Variants in RAB11FIP5 observed in about 807,000 individuals in gnomAD.
RAB11FIP5 encodes rab11 family-interacting protein 5.
RAB11FIP5 carries 48 observed loss-of-function variants against 85.1 expected under a neutral mutation model. That is an observed-to-expected ratio of 0.56 (90% confidence interval 0.45 to 0.72). RAB11FIP5 has a LOEUF of 0.72. Ranked by LOEUF, RAB11FIP5 falls within the 30% of genes least tolerant of loss-of-function variation. The pLI is 0.00. For missense variants in RAB11FIP5, 1,491 were observed against 1,687.0 expected, an observed-to-expected ratio of 0.88 and a Z score of 2.04; for synonymous variants, 729 against 727.3, an observed-to-expected ratio of 1.00 and a Z score of -0.04.
chr2:73,096,245 C>T (rs1463163696), intron 1 of RAB11FIP5, among the ~76,000 whole-genome samples: 1 of 152,192 alleles, frequency 6.6e-6, no homozygotes, highest in Non-Finnish European at 1.5e-5. Flanking sequence ...GTGGGGTCCC[C>T]AGGCCCTCAT....
At chr2:73,094,855 C>A (rs1475236699) in intron 1 of RAB11FIP5, among the ~76,000 whole-genome samples, 1 of 152,032 alleles carries the variant, frequency 6.6e-6, no homozygotes, top group South Asian at 2.1e-4. Flanking sequence ...ACCAAAGGAA[C>A]ACACTGGGGA....
chr2:73,110,586 G>C (rs1366572037), intron 1 of RAB11FIP5, among the ~76,000 whole-genome samples: 1 of 152,114 alleles, frequency 6.6e-6, no homozygotes, highest in African/African-American at 2.4e-5. Context: ...ATAAATTAAG[G>C]TTCCCATTCA....
chr2:73,086,849 C>T lies in RAB11FIP5; in HGVS notation c.1568+1201G>A, dbSNP rs1459850789. Reference sequence around the variant, plus strand: ...CAAGGGAGGCAAGGGGTGGCATGCCCCTGAAACTGATCCACCCCCCCATAC... The same window carrying T: ...CAAGGGAGGCAAGGGGTGGCATGCCTCTGAAACTGATCCACCCCCCCATAC... On this transcript the variant is annotated intron_variant, in intron 3 of 5. Coordinates refer to ENST00000486777, the MANE Select transcript of RAB11FIP5 (RefSeq NM_001371272.1). The surrounding 1 kb of genome is among the most constrained non-coding windows in gnomAD (Gnocchi z 4.4). Among the ~76,000 whole-genome samples, 4 of 152,080 alleles carry T rather than the reference C, an allele frequency of 2.6e-5. No individual in the cohort carries two copies. Among genetic ancestry groups the T allele is most frequent in the East Asian group, 3.9e-4 (2 of 5,182 alleles).
intron 2 of RAB11FIP5, 56 bp downstream of exon 2, chr2:73,088,823 C>A: frequency 6.5e-7 from 1 of 1,537,602 alleles, no homozygotes; most frequent in Admixed American, 2.0e-5. Context: ...TTCATCACCA[C>A]CCAAGGGGAG....
chr2:73,095,774 A>G (rs1250477739), intron 1 of RAB11FIP5, among the ~76,000 whole-genome samples: 3 of 152,224 alleles, frequency 2.0e-5, no homozygotes, highest in Admixed American at 6.5e-5. Context: ...AGCAGAATGC[A>G]TATACTCCTG....
At position 73,089,374 on chromosome 2, in the gene RAB11FIP5, C is replaced by T; in HGVS notation, c.432-59G>A. ...ACGGGCCCAGGGAGCCTGGCTCCCG[C>T]CCGGTACCAGGCACTGCCCAGACCC... On this transcript the variant is annotated intron_variant, in intron 1 of 5. Transcript: ENST00000486777. The surrounding 1 kb of genome is among the most constrained non-coding windows in gnomAD (Gnocchi z 4.6). The T allele has an allele frequency of 1.3e-6, 2 of 1,556,384 alleles. No individual in the cohort carries two copies. The highest frequency in any genetic ancestry group is 1.8e-6 in the Non-Finnish European group (2 of 1,136,736).
At chr2:73,108,028 T>A (rs1684565473) in intron 1 of RAB11FIP5, among the ~76,000 whole-genome samples, 1 of 152,136 alleles carries the variant, frequency 6.6e-6, no homozygotes. Flanking sequence ...TCCCCTCAGG[T>A]GCCTCCCAGT....
rs1683957585 is a variant in RAB11FIP5, at chr2:73,080,682, G to C, written c.2550C>G (p.Val850=). The change falls in exon 4 of 6, where the codon GTC becomes GTG. Residue 850 remains valine (V), a synonymous_variant. Coordinates refer to ENST00000486777, the MANE Select transcript of RAB11FIP5 (RefSeq NM_001371272.1). The part of the protein sequence containing the change: ...ISPAAETASL[V]FRGESDEPAP... ...CAGGCTCATCAGACTCTCCCCGAAA[G>C]ACTAGTGAGGCTGTCTCAGCTGCAG... 4.1e-6 allele frequency: 5 copies of C among 1,232,404 alleles called. No individual in the cohort carries two copies. The highest frequency in any genetic ancestry group is 5.1e-6 in the Non-Finnish European group (5 of 988,102). 76.3% of individuals were successfully genotyped at this position (1,232,404 alleles called of 1,614,324 possible).
chr2:73,107,235 G>A (rs1684546089), intron 1 of RAB11FIP5, among the ~76,000 whole-genome samples: 1 of 152,260 alleles, frequency 6.6e-6, no homozygotes, highest in South Asian at 2.1e-4. Context: ...AAAGAGGACT[G>A]CTTCCCCTGG....
intron 1 of RAB11FIP5, 61 bp downstream of exon 1, chr2:73,112,286 C>G: frequency 7.0e-7 from 1 of 1,422,640 alleles, no homozygotes; most frequent in Non-Finnish European, 9.2e-7. Flanking sequence ...GTCCTGATCC[C>G]CCACCAGCCC....
intron 1 of RAB11FIP5, among the ~76,000 whole-genome samples, chr2:73,097,177 A>T (rs1207316075): frequency 6.6e-6 from 1 of 152,200 alleles, no homozygotes; most frequent in Non-Finnish European, 1.5e-5. Flanking sequence ...AGCTGGGATT[A>T]CAGGCATGTG....
intron 1 of RAB11FIP5, among the ~76,000 whole-genome samples, chr2:73,101,281 G>C (rs1684425160): frequency 6.6e-6 from 1 of 152,020 alleles, no homozygotes; most frequent in African/African-American, 2.4e-5. Context: ...TCCTCACCAG[G>C]TGATAGCATG....
rs1683970810 is a variant in RAB11FIP5 at position 73,081,165 on chromosome 2, C to T, written c.2067G>A (p.Met689Ile). 4.1e-6 allele frequency: 5 copies of T among 1,232,688 alleles called. No homozygotes were observed. The South Asian group carries it at 2.1e-4, about 51-fold the overall frequency. 76.4% of individuals were successfully genotyped at this position (1,232,688 alleles called of 1,614,324 possible). A position where few individuals can be genotyped will look rare whatever the true frequency, so the allele number is the denominator to read the frequency against. ...CCTGGGGCTCAGCTGCCTTCGCAGT[C>T]ATGGCCCCAGGGCCTGGGTCTTGCA... ...AGLQDPGPGA[M>I]TAKAAEPQGE... The change falls in exon 4 of 6, where the codon ATG becomes ATA. Residue 689 changes from methionine to isoleucine, a missense_variant. This residue lies in a region of RAB11FIP5 where 1,211 missense variants were observed against 1,338.0 expected (regional missense o/e 0.91). Coordinates refer to ENST00000486777, the MANE Select transcript of RAB11FIP5 (RefSeq NM_001371272.1). This position sits in a 1 kb window ranked among gnomAD's most constrained non-coding sequence, Gnocchi z 4.2.
chr2:73,076,647 C>A (rs1683867920), intron 4 of RAB11FIP5, among the ~76,000 whole-genome samples: 2 of 152,270 alleles, frequency 1.3e-5, no homozygotes, highest in South Asian at 4.1e-4. Context: ...AAAACCTGGG[C>A]AAACTGGGAC....
Position 73,081,027 on chromosome 2 carries a change from C to T in RAB11FIP5, c.2205G>A (p.Ala735=), listed in dbSNP as rs1321128679. 2.8e-5 allele frequency: 34 copies of T among 1,232,508 alleles called. No homozygotes were observed. Among genetic ancestry groups the T allele is most frequent in the Non-Finnish European group, 3.3e-5 (33 of 988,222 alleles). The allele number at this position is 1,232,508 out of a possible 1,614,324, so 76.3% of individuals were successfully genotyped here. A position where few individuals can be genotyped will look rare whatever the true frequency, so the allele number is the denominator to read the frequency against. Residue 735 remains alanine, a synonymous_variant, in exon 4 of 6, where the codon GCG becomes GCA. Coordinates refer to ENST00000486777, the MANE Select transcript of RAB11FIP5 (RefSeq NM_001371272.1). This position sits in a 1 kb window ranked among gnomAD's most constrained non-coding sequence, Gnocchi z 4.2. The part of the protein sequence containing the change: ...PLDLGPNHQS[A]SAADPGLLGS... ...CGAGGAGCCCTGGGTCAGCCGCGCT[C>T]GCGCTCTGGTGGTTCGGTCCCAAGT...
Position 73,090,500 on chromosome 2 carries a change from G to A in RAB11FIP5, c.432-1185C>T, listed in dbSNP as rs7557270. On this transcript the variant is annotated intron_variant, in intron 1 of 5. Transcript: ENST00000486777. ...TTGCCAAAACTTGGAAGCTGCCAAG[G>A]TGTCCTCCAGTAGGTGAAAAGATAA... Among the ~76,000 whole-genome samples the A allele has an allele frequency of 4.7e-3, 723 of 152,326 alleles. 5 individuals are homozygous for A. The highest frequency in any genetic ancestry group is 0.016 in the African/African-American group (683 of 41,554).
chr2:73,109,925 T>G (rs1684607136), intron 1 of RAB11FIP5, among the ~76,000 whole-genome samples: 2 of 152,228 alleles, frequency 1.3e-5, no homozygotes, highest in African/African-American at 4.8e-5. Context: ...ACTAGGTGCT[T>G]AAGCTGCATT....
At chr2:73,090,306 T>C (rs945625471) in intron 1 of RAB11FIP5, among the ~76,000 whole-genome samples, 9 of 152,180 alleles carry the variant, frequency 5.9e-5, no homozygotes, top group African/African-American at 2.2e-4. Context: ...GGGCCCGCCC[T>C]ACTGGGGAGA....
chr2:73,075,887 G>A lies in RAB11FIP5; in HGVS notation c.3771+106C>T, dbSNP rs779329934. Reference sequence around the variant, plus strand: ...AGAGCCTAACTGGCTTCAGGACTCTGATATGGGGGACCTGGCCTGCTCCCT... The same window carrying A: ...AGAGCCTAACTGGCTTCAGGACTCTAATATGGGGGACCTGGCCTGCTCCCT... On this transcript the variant is annotated intron_variant, in intron 5 of 5. Transcript: ENST00000486777. This position sits in a 1 kb window ranked among gnomAD's most constrained non-coding sequence, Gnocchi z 4.6. 1.2e-4 allele frequency: 179 copies of A among 1,471,966 alleles called. No homozygotes were observed. Among genetic ancestry groups the A allele is most frequent in the Middle Eastern group, 2.2e-4 (1 of 4,470 alleles). The allele number at this position is 1,471,966 out of a possible 1,614,324, so 91.2% of individuals were successfully genotyped here. A position where few individuals can be genotyped will look rare whatever the true frequency, so the allele number is the denominator to read the frequency against.
Sources: allele counts gnomAD v4.1 joint callset (sites outside exome capture counted in the v4.1 genomes callset), GRCh38; gene constraint gnomAD v4.1.1; regional missense constraint gnomAD v4.1.1; non-coding constraint Gnocchi (gnomAD v3.1); transcripts MANE v1.5; gene names NCBI Gene and HGNC (gene_info 2026-07-23, HGNC 2026-07-21).